TMEM63C: variants seen among roughly 807,000 people sequenced by gnomAD.
TMEM63C encodes osmosensitive cation channel TMEM63C.
TMEM63C carries 32 observed loss-of-function variants against 99.2 expected under a neutral mutation model. The observed-to-expected ratio is 0.32, with a 90% CI of 0.24 to 0.43. The LOEUF is 0.43. Among genes scored for constraint, TMEM63C ranks in the 20% least tolerant of loss-of-function variants. The pLI is 1.00. For missense variants in TMEM63C, 826 were observed against 1,053.0 expected (o/e 0.78, Z 2.98); for synonymous variants, 376 against 397.9 (o/e 0.94, Z 0.66).
Position 77,231,646 on chromosome 14 carries a change from T to G in TMEM63C, c.409T>G (p.Tyr137Asp). The change falls in exon 7 of 24, where the codon TAC becomes GAC. Residue 137 changes from tyrosine (Y) to aspartate (D), a missense_variant. Tyr to Asp is a radical substitution (Grantham distance 160). Coordinates refer to ENST00000298351, the MANE Select transcript of TMEM63C (RefSeq NM_020431.4). The stretch of plus-strand genomic sequence containing the variant: ...CGCGCGCATCTACATCGTGTTCCAG[T>G]ACCACCTCATCATCTTTGTGCTCAT... ...DDARIYIVFQYHLIIFVLIIC... is the reference protein window; with the variant it reads ...DDARIYIVFQDHLIIFVLIIC... 1.9e-6 allele frequency: 3 copies of G among 1,551,642 alleles called. No homozygotes were observed. The highest frequency in any genetic ancestry group is 2.6e-6 in the Non-Finnish European group (3 of 1,146,986).
chr14:77,189,816 C>G (rs202171112), intron 1 of TMEM63C, among the ~76,000 whole-genome samples: 3 of 152,046 alleles, frequency 2.0e-5, no homozygotes, highest in African/African-American at 7.2e-5. Flanking sequence ...GAAAAGCAGC[C>G]GTGGGTGCTT....
chr14:77,237,183 A>G (rs1034896330), intron 9 of TMEM63C, among the ~76,000 whole-genome samples: 21 of 151,956 alleles, frequency 1.4e-4, no homozygotes, highest in African/African-American at 5.1e-4. Flanking sequence ...TCTGAAAACT[A>G]AAGGATTAAC....
At chr14:77,235,490 G>A (rs533350958) in intron 8 of TMEM63C, among the ~76,000 whole-genome samples, 2,573 of 3,988 alleles carry the variant, frequency 0.65, 1,218 homozygotes, top group Admixed American at 0.8. Flanking sequence ...GGGGGGTCTG[G>A]GGAGACTGTG....
Position 77,243,072 on chromosome 14 carries a change from A to G in TMEM63C, c.1341+16A>G. On this transcript the variant is annotated intron_variant, in intron 15 of 23. Coordinates refer to ENST00000298351, the MANE Select transcript of TMEM63C (RefSeq NM_020431.4). ...GAAGCTGCAGGTGCCTCCTCTGCTC[A>G]GGCCAGGCCTGGGGACCCCAGGGAG... 6.2e-7 allele frequency: 1 copy of G among 1,612,956 alleles called. No homozygotes were observed.
intron 23 of TMEM63C, among the ~76,000 whole-genome samples, chr14:77,255,473 G>T (rs1889445428): frequency 6.6e-6 from 1 of 152,174 alleles, no homozygotes; most frequent in African/African-American, 2.4e-5. Context: ...TTTTAGCACA[G>T]TGCCTTTTAA....
chr14:77,242,819 TCC>T, intron 14 of TMEM63C, 82 bp from the exon 15 acceptor site: 2 of 1,531,894 alleles, frequency 1.3e-6, no homozygotes, highest in Non-Finnish European at 9.0e-7. Flanking sequence ...GCAGGCTGGG[TCC>T]ACAGCTGGCC....
intron 1 of TMEM63C, among the ~76,000 whole-genome samples, chr14:77,192,402 G>A (rs1888126731): frequency 6.6e-6 from 1 of 152,178 alleles, no homozygotes; most frequent in Admixed American, 6.5e-5. Flanking sequence ...CTGAGTTTAT[G>A]CTCTTTGTAT....
At chr14:77,255,035 G>T (rs1242738297) in intron 23 of TMEM63C, among the ~76,000 whole-genome samples, 2 of 152,170 alleles carry the variant, frequency 1.3e-5, no homozygotes, top group African/African-American at 4.8e-5. Flanking sequence ...CTGTTGTTCA[G>T]GCTGGAGTGA....
At chr14:77,220,164 C>T (rs757957139) in intron 5 of TMEM63C, 77 bp downstream of exon 5, 119 of 1,361,874 alleles carry the variant, frequency 8.7e-5, no homozygotes, top group Middle Eastern at 2.0e-4. Context: ...GGAAGAAACA[C>T]GGCTTAGACC....
At chr14:77,227,054 C>G (rs370657) in intron 6 of TMEM63C, among the ~76,000 whole-genome samples, 26,951 of 152,168 alleles carry the variant, frequency 0.18, 2,644 homozygotes, top group Non-Finnish European at 0.22. Flanking sequence ...AGGCATGAGC[C>G]ACCGCACTGG....
intron 1 of TMEM63C, among the ~76,000 whole-genome samples, chr14:77,187,470 A>C (rs1888022329): frequency 1.3e-5 from 2 of 152,170 alleles, no homozygotes; most frequent in Non-Finnish European, 2.9e-5. Flanking sequence ...GAGCCGAGGC[A>C]AAGGAAGGGG....
chr14:77,224,339 GC>G (rs756253643), intron 5 of TMEM63C, among the ~76,000 whole-genome samples: 6 of 152,046 alleles, frequency 3.9e-5, no homozygotes, highest in Non-Finnish European at 7.4e-5. Flanking sequence ...GCTGATAGTT[GC>G]TTCCTTTTGG....
At position 77,226,124 on chromosome 14, in the gene TMEM63C, G is replaced by T. The variant is rs527645395; in HGVS notation, c.350+663G>T. On this transcript the variant is annotated intron_variant, in intron 6 of 23. Coordinates refer to ENST00000298351, the MANE Select transcript of TMEM63C (RefSeq NM_020431.4). The stretch of plus-strand genomic sequence containing the variant: ...CACACATGCACACTCATACATACAC[G>T]CACACACACGTACACGTGTGCACAC... Among the ~76,000 whole-genome samples the T allele has an allele frequency of 7.2e-5, 11 of 152,038 alleles. No homozygotes were observed. The South Asian group carries it at 8.3e-4, about 11-fold the overall frequency.
intron 18 of TMEM63C, among the ~76,000 whole-genome samples, chr14:77,247,338 T>A (rs569739225): frequency 5.3e-5 from 8 of 152,184 alleles, no homozygotes; most frequent in Non-Finnish European, 7.4e-5. Context: ...GTAGCTGAGA[T>A]TACAAGCACA....
In TMEM63C at chr14:77,256,517, C is replaced by G; in HGVS notation, c.2221-9C>G. On this transcript the variant is annotated splice_polypyrimidine_tract_variant and intron_variant, in intron 23 of 23. Coordinates refer to ENST00000298351, the MANE Select transcript of TMEM63C (RefSeq NM_020431.4). ...CCTTGCTCCTGTCCCCTGTCTCTAT[C>G]CCAAGCAGCTGTATGTGGCCACCGT... The G allele has an allele frequency of 6.2e-7, 1 of 1,613,818 alleles. No homozygotes were observed. Among genetic ancestry groups the G allele is most frequent in the Non-Finnish European group, 8.5e-7 (1 of 1,179,846 alleles).
chr14:77,248,279 C>T (rs1889297569), intron 18 of TMEM63C, 68 bp from the exon 19 acceptor site: 2 of 1,426,696 alleles, frequency 1.4e-6, no homozygotes, highest in Non-Finnish European at 1.9e-6. Context: ...CCTCTCTCTC[C>T]TCCCTTTTAA....
intron 23 of TMEM63C, among the ~76,000 whole-genome samples, chr14:77,254,552 T>C (rs1889429771): frequency 6.6e-6 from 1 of 152,326 alleles, no homozygotes; most frequent in East Asian, 1.9e-4. Context: ...TTTGAAATCT[T>C]CTTATGAGCC....
intron 1 of TMEM63C, chr14:77,201,269 T>G (rs1417249539): frequency 6.6e-6 from 1 of 152,284 alleles, no homozygotes; most frequent in Non-Finnish European, 1.5e-5. Flanking sequence ...TATGGTCTTC[T>G]TAGGGGTCTG....
At chr14:77,194,666 T>G (rs916430375) in intron 1 of TMEM63C, among the ~76,000 whole-genome samples, 2 of 151,814 alleles carry the variant, frequency 1.3e-5, no homozygotes, top group Non-Finnish European at 2.9e-5. Flanking sequence ...CTCAACCTGC[T>G]GGGTTTAAGT....
Sources: gnomAD v4.1 joint callset for allele counts (sites outside exome capture counted in the v4.1 genomes callset) on GRCh38, gnomAD v4.1.1 for gene constraint, MANE v1.5 for transcripts, NCBI Gene and HGNC (gene_info 2026-07-23, HGNC 2026-07-21) for gene names.